The following TCEA3 variants were observed in gnomAD, a reference collection of about 807,000 sequenced individuals.
The protein encoded by TCEA3 is transcription elongation factor A protein 3.
In TCEA3, 36 loss-of-function variants were observed where a neutral mutation model predicts 44.0. That is an observed-to-expected ratio of 0.82 (90% CI 0.63 to 1.08). The LOEUF (loss-of-function observed/expected upper bound fraction) is 1.08. Ranked by LOEUF, TCEA3 falls within the 50% of genes least tolerant of loss-of-function variation. TCEA3 has a pLI of 0.00. For missense variants in TCEA3, 392 were observed against 441.2 expected (o/e 0.89, Z 1.00); for synonymous variants, 162 against 159.7 (o/e 1.01, Z -0.11).
In TCEA3 at chr1:23,398,160, C is replaced by T. The variant is rs151194058; in HGVS notation, c.444-205G>A. Among the ~76,000 whole-genome samples the T allele has an allele frequency of 1.6e-4, 24 of 152,204 alleles. No individual in the cohort carries two copies. In the East Asian group the frequency reaches 4.2e-3, roughly 27 times the overall value. ...GGTTGATACTATTCTCATCCCCATT[C>T]GAGAGATGCATTTTAAAGTGCATGG... is the stretch of plus-strand genomic sequence containing the variant. On this transcript the variant is annotated intron_variant, in intron 5 of 10. Transcript: ENST00000450454.
In TCEA3 at chr1:23,397,925, G is replaced by C. The variant is rs776284779; in HGVS notation, c.474C>G (p.Ser158Arg). 65 of 1,613,598 alleles carry C rather than the reference G, an allele frequency of 4.0e-5. No homozygotes were observed. The South Asian group carries it at 6.9e-4, about 17-fold the overall frequency. ...RSNSSKSKAE[S>R]PKTPSSPLTP... ...TCAAGGGGCTGCTAGGTGTTTTGGG[G>C]CTCTCCGCTTTTGATTTGCTGCTGT... is the stretch of plus-strand genomic sequence containing the variant. The change falls in exon 6 of 11, where the codon AGC (serine) becomes AGG (arginine). Residue 158 changes from serine to arginine, a missense_variant. By Grantham distance (110) the Ser-to-Arg change is moderately radical. Transcript: ENST00000450454.
intron 8 of TCEA3, among the ~76,000 whole-genome samples, chr1:23,391,334 G>C (rs1639021521): frequency 6.6e-6 from 1 of 151,402 alleles, no homozygotes; most frequent in African/African-American, 2.4e-5. Flanking sequence ...CTGAGCTCAG[G>C]AGTTCTGCCC....
At chr1:23,403,168 C>G (rs971048179) in intron 5 of TCEA3, among the ~76,000 whole-genome samples, 3 of 152,248 alleles carry the variant, frequency 2.0e-5, no homozygotes, top group African/African-American at 4.8e-5. Flanking sequence ...GTCAGGGGAG[C>G]CTGCAGCATG....
chr1:23,415,307 G>C (rs939755916), intron 4 of TCEA3, among the ~76,000 whole-genome samples: 4 of 152,188 alleles, frequency 2.6e-5, no homozygotes, highest in African/African-American at 7.2e-5. Context: ...ACAGGCATGG[G>C]CCACTGCGCC....
intron 4 of TCEA3, among the ~76,000 whole-genome samples, chr1:23,415,463 G>T (rs534304498): frequency 6.6e-6 from 1 of 152,180 alleles, no homozygotes; most frequent in African/African-American, 2.4e-5. Flanking sequence ...TCCCTCCCCA[G>T]TAGTTCAGCC....
chr1:23,387,247 C>G (rs1321987254), intron 9 of TCEA3, 26 bp downstream of exon 9: 1 of 1,611,124 alleles, frequency 6.2e-7, no homozygotes, highest in Non-Finnish European at 8.5e-7. Flanking sequence ...TCCTGCACCT[C>G]CGGCCCGTCC....
intron 2 of TCEA3, chr1:23,418,242 T>C (rs765917373): frequency 1.9e-6 from 1 of 517,894 alleles, no homozygotes; most frequent in Non-Finnish European, 3.5e-6. Flanking sequence ...TCTGTAGCTT[T>C]GGTGAAACCT....
intron 9 of TCEA3, 41 bp downstream of exon 9, chr1:23,387,232 C>G (rs767555604): frequency 6.2e-7 from 1 of 1,603,498 alleles, no homozygotes; most frequent in Non-Finnish European, 8.5e-7. Flanking sequence ...TATGCCCCTG[C>G]GGCCTCCTGC....
At chr1:23,403,978 T>G (rs1484834699) in intron 5 of TCEA3, 1 of 624,368 alleles carries the variant, frequency 1.6e-6, no homozygotes, top group African/African-American at 1.8e-5. Context: ...GAGGGCATCA[T>G]CGGCCGGGGT....
chr1:23,396,513 G>A (rs1471798340), intron 7 of TCEA3, among the ~76,000 whole-genome samples: 2 of 152,058 alleles, frequency 1.3e-5, no homozygotes, highest in Admixed American at 6.6e-5. Flanking sequence ...GGGAGCAGGG[G>A]GCACATGGAA....
In TCEA3 at chr1:23,408,602, A is replaced by G. The variant is rs1639619943; in HGVS notation, c.443+62T>C. 3.3e-6 allele frequency: 5 copies of G among 1,536,112 alleles called. 1 individual carries two copies. In the Admixed American group the frequency reaches 5.9e-5, roughly 18 times the overall value. On this transcript the variant is annotated intron_variant, in intron 5 of 10. Coordinates refer to ENST00000450454, the MANE Select transcript of TCEA3 (RefSeq NM_003196.3). ...TCTGCCTTGGGCTTCCTCCATAAAA[A>G]CAGAGAAGGGGACACAGGCTGAATA...
At chr1:23,402,213 G>A (rs1639416982) in intron 5 of TCEA3, among the ~76,000 whole-genome samples, 2 of 152,272 alleles carry the variant, frequency 1.3e-5, no homozygotes, top group South Asian at 4.2e-4. Flanking sequence ...GGTGGCGCAT[G>A]CCTGTAATCC....
In TCEA3 at chr1:23,422,698, G is replaced by A. The variant is rs557497935; in HGVS notation, c.69+1867C>T. On this transcript the variant is annotated intron_variant, in intron 1 of 10. Transcript: ENST00000450454. The stretch of plus-strand genomic sequence containing the variant: ...TGGCTCCATGCTGCAGGGACCCTGC[G>A]GCCAGACTTGCATCTTTTCAGGGGA... Among the ~76,000 whole-genome samples the A allele has an allele frequency of 3.5e-4, 53 of 152,176 alleles. 1 individual carries two copies. The highest frequency in any genetic ancestry group is 1.9e-4 in the East Asian group (1 of 5,182).
Position 23,424,708 on chromosome 1 carries a change from C to A in TCEA3, c.-75G>T, listed in dbSNP as rs1323640340. ...GCCTCGGGGGCAGGAGGCGCGAAGG[C>A]GGAGGGCGCGCAACCCGCGCGGGCC... On this transcript the variant is annotated 5_prime_UTR_variant, in exon 1 of 11. Transcript: ENST00000450454. The A allele has an allele frequency of 3.3e-6, 4 of 1,204,004 alleles. No homozygotes were observed. In the East Asian group the frequency reaches 9.9e-5, roughly 30 times the overall value. 74.6% of individuals were successfully genotyped at this position (1,204,004 alleles called of 1,614,324 possible).
At chr1:23,390,483 G>GA (rs1553166189) in intron 8 of TCEA3, among the ~76,000 whole-genome samples, 7 of 151,666 alleles carry the variant, frequency 4.6e-5, no homozygotes, top group Admixed American at 1.3e-4. Flanking sequence ...CATCTCAAAA[G>GA]AAAAAACAAA....
At chr1:23,393,128 A>C (rs2510071) in intron 8 of TCEA3, among the ~76,000 whole-genome samples, 20,582 of 151,940 alleles carry the variant, frequency 0.14, 3,035 homozygotes, top group African/African-American at 0.35. Context: ...GGTTTCCTCG[A>C]ATGCACAGTT....
intron 5 of TCEA3, chr1:23,403,866 G>A: frequency 1.9e-6 from 1 of 523,448 alleles, no homozygotes; most frequent in South Asian, 2.5e-5. Flanking sequence ...CCCCGGTTAG[G>A]AGCTGGCTGG....
intron 1 of TCEA3, chr1:23,419,435 A>G (rs1639993214): frequency 2.3e-5 from 7 of 298,414 alleles, no homozygotes; most frequent in Admixed American, 1.5e-4. Context: ...TTTCCTCCCA[A>G]ATGAATTCCT....
Position 23,381,236 on chromosome 1 carries a change from TTCA to T in TCEA3, c.*227_*229del, listed in dbSNP as rs1638665288. 8.9e-6 allele frequency: 5 copies of T among 561,600 alleles called. No individual in the cohort carries two copies. The highest frequency in any genetic ancestry group is 1.6e-5 in the Non-Finnish European group (5 of 312,710). 34.8% of individuals were successfully genotyped at this position (561,600 alleles called of 1,614,324 possible). ...AGCCCTCTGCAGTTTCTAAAAGAGGTTCATCAATACAAATTCTCAGCATCATTC... is the reference window on the plus strand; with the variant it reads ...AGCCCTCTGCAGTTTCTAAAAGAGGTTCAATACAAATTCTCAGCATCATTC... On this transcript the variant is annotated 3_prime_UTR_variant, in exon 11 of 11. Transcript: ENST00000450454.
Sources: gnomAD v4.1 joint callset for allele counts (sites outside exome capture counted in the v4.1 genomes callset) on GRCh38, gnomAD v4.1.1 for gene constraint, MANE v1.5 for transcripts, NCBI Gene and HGNC (gene_info 2026-07-23, HGNC 2026-07-21) for gene names.